The following MCTP2 variants were observed in gnomAD, a reference collection of about 807,000 sequenced individuals.
MCTP2 encodes multiple C2 and transmembrane domain containing 2, also known as multiple C2 and transmembrane domain-containing protein 2.
In MCTP2, 132 loss-of-function variants were observed where a neutral mutation model predicts 111.6. The observed-to-expected ratio is 1.18, with a 90% CI of 1.03 to 1.37. The LOEUF is 1.37. Among genes scored for constraint, MCTP2 ranks in the 40% most tolerant of loss-of-function variants. MCTP2 has a pLI of 0.00. For synonymous variants in MCTP2, 395 were observed against 387.7 expected (o/e 1.02, Z -0.22); for missense variants, 1,183 against 1,067.9 (o/e 1.11, Z -1.50).
At chr15:94,288,859 C>T (rs1434835878) in intron 1 of MCTP2, among the ~76,000 whole-genome samples, 1 of 152,142 alleles carries the variant, frequency 6.6e-6, no homozygotes, top group Non-Finnish European at 1.5e-5. Context: ...GCTGCCTGCC[C>T]CACCCATTCT....
chr15:94,400,075 T>G (rs1006279409), intron 16 of MCTP2, 80 bp downstream of exon 16: 104 of 1,264,118 alleles, frequency 8.2e-5, no homozygotes, highest in Non-Finnish European at 1.1e-4. Context: ...GCCTGTAATT[T>G]CTTCCTTGAA....
chr15:94,364,794 C>T (rs1431059685), intron 10 of MCTP2, among the ~76,000 whole-genome samples: 3 of 152,148 alleles, frequency 2.0e-5, no homozygotes, highest in Admixed American at 6.5e-5. Context: ...GAAAATAATT[C>T]TCCCAGTCTC....
intron 4 of MCTP2, among the ~76,000 whole-genome samples, chr15:94,329,971 C>T (rs2077058404): frequency 6.6e-6 from 1 of 152,200 alleles, no homozygotes; most frequent in Non-Finnish European, 1.5e-5. Context: ...CTTTGCTCCC[C>T]TTCACTTGGA....
chr15:94,277,997 T>C (rs1245764338), intron 1 of MCTP2, among the ~76,000 whole-genome samples: 1 of 152,142 alleles, frequency 6.6e-6, no homozygotes, highest in Non-Finnish European at 1.5e-5. Context: ...TTTGTAAATC[T>C]AAAACTGCTC....
At chr15:94,279,943 C>A (rs978376747) in intron 1 of MCTP2, among the ~76,000 whole-genome samples, 6 of 152,096 alleles carry the variant, frequency 3.9e-5, no homozygotes, top group African/African-American at 1.4e-4. Context: ...GCTTGCATCC[C>A]AGAAATAGTA....
chr15:94,433,606 A>C (rs2083304470), intron 17 of MCTP2, among the ~76,000 whole-genome samples: 1 of 152,226 alleles, frequency 6.6e-6, no homozygotes, highest in East Asian at 1.9e-4. Context: ...TTTGTGAGAC[A>C]TATTATACAG....
chr15:94,328,695 C>G (rs970490545), intron 4 of MCTP2, among the ~76,000 whole-genome samples: 1 of 152,100 alleles, frequency 6.6e-6, no homozygotes, highest in Admixed American at 6.5e-5. Flanking sequence ...TCTTGAGACT[C>G]TCTCTATGTA....
At chr15:94,385,314 A>G (rs1460960262) in intron 13 of MCTP2, 109 bp from the exon 14 acceptor site, 3 of 710,336 alleles carry the variant, frequency 4.2e-6, no homozygotes, top group Non-Finnish European at 7.3e-6. Context: ...TGGTAGGTTT[A>G]TACTCTAAGG....
Position 94,356,233 on chromosome 15 carries a change from G to A in MCTP2, c.1102G>A (p.Val368Ile), listed in dbSNP as rs1345761142. ...TATAACTTTGTTGGAAGGGAAGAAT[G>A]TCTCAGGAGGAAGCATGACAGAGAT... is the stretch of plus-strand genomic sequence containing the variant. ...ISITLLEGKN[V>I]SGGSMTEMFV... is the part of the protein sequence containing the mutation. The change falls in exon 9 of 23, where the codon GTC becomes ATC. Residue 368 changes from valine (V) to isoleucine (I), a missense_variant. Physicochemically the swap from Val to Ile is conservative, Grantham distance 29. Coordinates refer to ENST00000357742, the MANE Select transcript of MCTP2 (RefSeq NM_001385001.1). The A allele has an allele frequency of 3.1e-6, 5 of 1,613,434 alleles. No individual in the cohort carries two copies. The highest frequency in any genetic ancestry group is 2.2e-5 in the East Asian group (1 of 44,840).
intron 4 of MCTP2, among the ~76,000 whole-genome samples, chr15:94,325,049 C>A (rs2076795488): frequency 6.6e-6 from 1 of 152,140 alleles, no homozygotes; most frequent in South Asian, 2.1e-4. Context: ...TAGGCTTGGG[C>A]CACCATAAAC....
chr15:94,244,207 T>A lies in MCTP2; in HGVS notation c.-66+12543T>A, dbSNP rs565098514. Among the ~76,000 whole-genome samples the A allele has an allele frequency of 1.9e-4, 27 of 143,124 alleles. 1 individual carries two copies. Among genetic ancestry groups the A allele is most frequent in the South Asian group, 2.1e-4 (1 of 4,676 alleles). 93.9% of individuals were successfully genotyped at this position (143,124 alleles called of 152,430 possible). A position where few individuals can be genotyped will look rare whatever the true frequency, so the allele number is the denominator to read the frequency against. ...GTGTATATGTTTATATACACGTGTA[T>A]ACACATACATATGTGTATATATTTA... On this transcript the variant is annotated intron_variant, in intron 1 of 22. Transcript: ENST00000357742.
chr15:94,378,608 C>G (rs2152448144), intron 12 of MCTP2, among the ~76,000 whole-genome samples: 1 of 152,264 alleles, frequency 6.6e-6, no homozygotes, highest in Middle Eastern at 3.4e-3. Context: ...ATAGGATTAT[C>G]AGAAATTAAG....
At chr15:94,412,830 C>G (rs1284963364) in intron 17 of MCTP2, among the ~76,000 whole-genome samples, 1 of 151,438 alleles carries the variant, frequency 6.6e-6, no homozygotes, top group African/African-American at 2.4e-5. Flanking sequence ...TGCAAGGAAA[C>G]TTTTATAGGC....
intron 4 of MCTP2, among the ~76,000 whole-genome samples, chr15:94,320,605 C>G (rs922248428): frequency 6.6e-6 from 1 of 152,238 alleles, no homozygotes; most frequent in Admixed American, 6.5e-5. Flanking sequence ...TCAGAATGAA[C>G]AGTATTTAGT....
intron 7 of MCTP2, chr15:94,342,618 A>ATG (rs2077711606): frequency 3.9e-5 from 5 of 127,410 alleles, no homozygotes; most frequent in Non-Finnish European, 5.1e-5. Context: ...ATATATTTAT[A>ATG]TATACACAAA....
At chr15:94,292,810 G>A (rs2075092216) in intron 1 of MCTP2, 1 of 152,160 alleles carries the variant, frequency 6.6e-6, no homozygotes, top group South Asian at 2.1e-4. Context: ...AACAAATTTG[G>A]AGAGGTCACA....
chr15:94,365,858 T>A (rs907067034), intron 10 of MCTP2, among the ~76,000 whole-genome samples: 1 of 152,204 alleles, frequency 6.6e-6, no homozygotes, highest in Non-Finnish European at 1.5e-5. Context: ...TAGGCTATTG[T>A]TAATTTGTAA....
chr15:94,436,295 C>G (rs1057289219), intron 17 of MCTP2, among the ~76,000 whole-genome samples: 1 of 152,174 alleles, frequency 6.6e-6, no homozygotes. Context: ...TAACTCCATG[C>G]AGATCTGATT....
chr15:94,464,552 T>G (rs1450919153), intron 20 of MCTP2, among the ~76,000 whole-genome samples: 1 of 151,662 alleles, frequency 6.6e-6, no homozygotes, highest in Admixed American at 6.6e-5. Context: ...GCTTGTTTGT[T>G]CATTAGTTAC....
Sources: gnomAD v4.1 joint callset for allele counts (sites outside exome capture counted in the v4.1 genomes callset) on GRCh38, gnomAD v4.1.1 for gene constraint, MANE v1.5 for transcripts, NCBI Gene and HGNC (gene_info 2026-07-23, HGNC 2026-07-21) for gene names.